FBXL19: variants seen among roughly 807,000 people sequenced by gnomAD.
FBXL19 encodes the protein F-box and leucine rich repeat protein 19, also known as F-box/LRR-repeat protein 19.
A neutral mutation model predicts 71.2 loss-of-function variants in FBXL19; 16 were observed. That is an observed-to-expected ratio of 0.22 (90% confidence interval 0.15 to 0.34). FBXL19 has a LOEUF of 0.34. FBXL19 is among the 10% of genes least tolerant of loss of function. The probability of loss-of-function intolerance (pLI) is 1.00; values close to 1 mark genes in which losing one functional copy is unlikely to be tolerated. For missense variants in FBXL19, 658 were observed against 968.2 expected (o/e 0.68, Z 4.25); for synonymous variants, 447 against 409.4 (o/e 1.09, Z -1.11).
In FBXL19 at chr16:30,947,643, G is replaced by C. The variant is rs2055875890; in HGVS notation, c.*413G>C. On this transcript the variant is annotated 3_prime_UTR_variant, in exon 11 of 11. Coordinates refer to ENST00000338343, the MANE Select transcript of FBXL19 (RefSeq NM_001382779.1). Reference sequence around the variant, plus strand: ...GCGGGGCAGACAGCAGACCACCAAGGGTTCAGGGAACAAAGACCAGTTACT... The same window carrying C: ...GCGGGGCAGACAGCAGACCACCAAGCGTTCAGGGAACAAAGACCAGTTACT... The C allele has an allele frequency of 3.2e-6, 1 of 314,506 alleles. No homozygotes were observed. 19.5% of individuals were successfully genotyped at this position (314,506 alleles called of 1,614,324 possible).
chr16:30,930,660 G>A lies in FBXL19; in HGVS notation c.1301+76G>A. The A allele has an allele frequency of 7.3e-7, 1 of 1,377,904 alleles. No individual in the cohort carries two copies. Among genetic ancestry groups the A allele is most frequent in the Non-Finnish European group, 9.4e-7 (1 of 1,066,190 alleles). The allele number at this position is 1,377,904 out of a possible 1,614,324, so 85.4% of individuals were successfully genotyped here. A position where few individuals can be genotyped will look rare whatever the true frequency, so the allele number is the denominator to read the frequency against. On this transcript the variant is annotated intron_variant, in intron 7 of 10. Coordinates refer to ENST00000338343, the MANE Select transcript of FBXL19 (RefSeq NM_001382779.1). The surrounding 1 kb of genome is among the most constrained non-coding windows in gnomAD (Gnocchi z 8.5). ...GCTGGGTGACCTGCGGTAGGTCTCTGGCCCTCTCTGGGCCTTGCTTTTATA... is the reference window on the plus strand; with the variant it reads ...GCTGGGTGACCTGCGGTAGGTCTCTAGCCCTCTCTGGGCCTTGCTTTTATA...
chr16:30,922,872 C>A (rs1291983498), upstream of FBXL19: 3 of 356,616 alleles, frequency 8.4e-6, no homozygotes, highest in East Asian at 2.4e-4. Flanking sequence ...CACAGGCGGG[C>A]GAGGTGCCCA....
chr16:30,932,458 T>G (rs1177710279), intron 7 of FBXL19, among the ~76,000 whole-genome samples: 1 of 152,184 alleles, frequency 6.6e-6, no homozygotes. Context: ...TGATTTCTGC[T>G]TCAACGGGAG....
rs577042459 is a variant in FBXL19, at chr16:30,926,042, T to C, written c.177+111T>C. On this transcript the variant is annotated intron_variant, in intron 2 of 10. Transcript: ENST00000338343. ...GTGGAGTGGCTGTTTGTTCACTCGT[T>C]CATTTCTTCCCTTCATTCACTAGTT... The C allele has an allele frequency of 5.6e-4, 747 of 1,338,010 alleles. 1 individual carries two copies. Among genetic ancestry groups the C allele is most frequent in the Non-Finnish European group, 6.6e-4 (695 of 1,046,032 alleles). The allele number at this position is 1,338,010 out of a possible 1,614,324, so 82.9% of individuals were successfully genotyped here.
intron 2 of FBXL19, 53 bp from the exon 3 acceptor site, chr16:30,927,255 C>T: frequency 1.3e-6 from 2 of 1,508,024 alleles, no homozygotes; most frequent in South Asian, 1.3e-5. Flanking sequence ...AAGGAAGGGT[C>T]TTTCCCCTGT....
intron 3 of FBXL19, 46 bp from the exon 4 acceptor site, chr16:30,927,527 C>T (rs1176007298): frequency 6.4e-7 from 1 of 1,555,320 alleles, no homozygotes; most frequent in East Asian, 2.4e-5. Flanking sequence ...CACCCTGGCT[C>T]TGGGCTTCCT....
chr16:30,942,625 G>A lies in FBXL19; in HGVS notation c.1627+89G>A, dbSNP rs2055815553. 9.7e-6 allele frequency: 14 copies of A among 1,439,016 alleles called. No individual in the cohort carries two copies. The highest frequency in any genetic ancestry group is 1.3e-5 in the Non-Finnish European group (14 of 1,097,710). The allele number at this position is 1,439,016 out of a possible 1,614,324, so 89.1% of individuals were successfully genotyped here. A position where few individuals can be genotyped will look rare whatever the true frequency, so the allele number is the denominator to read the frequency against. On this transcript the variant is annotated intron_variant, in intron 9 of 10. Transcript: ENST00000338343. The surrounding 1 kb of genome is among the most constrained non-coding windows in gnomAD (Gnocchi z 5.7). ...GGTCTCTTCTGACTCATGCTGGATG[G>A]TAAAGTATTTGAAGAAAGGAAAGAA...
At chr16:30,929,834 G>A (rs1441667057) in intron 6 of FBXL19, among the ~76,000 whole-genome samples, 1 of 152,216 alleles carries the variant, frequency 6.6e-6, no homozygotes, top group East Asian at 1.9e-4. Context: ...GATTACAGGC[G>A]TGAGCCACTG....
rs1166691040 is a variant in FBXL19, at chr16:30,946,318, C to T, written c.1628-412C>T. On this transcript the variant is annotated intron_variant, in intron 9 of 10. Transcript: ENST00000338343. This position sits in a 1 kb window ranked among gnomAD's most constrained non-coding sequence, Gnocchi z 6.7. ...TCTCGGGTTCAAGTGATTCTCCTGC[C>T]TCAGCCTCCTGAGTAGCCGGGATTA... 1.3e-5 allele frequency among the ~76,000 whole-genome samples: 2 copies of T among 152,190 alleles called. No homozygotes were observed. The highest frequency in any genetic ancestry group is 6.5e-5 in the Admixed American group (1 of 15,274).
chr16:30,939,669 C>T (rs995141784), intron 7 of FBXL19, among the ~76,000 whole-genome samples: 17 of 150,902 alleles, frequency 1.1e-4, no homozygotes, highest in Non-Finnish European at 2.2e-4. Context: ...CCACCCACCT[C>T]GGCCTCCCAA....
intron 1 of FBXL19, chr16:30,924,842 G>GCTCCCCCTCCCATGGAA: frequency 8.1e-7 from 1 of 1,227,604 alleles, no homozygotes; most frequent in Non-Finnish European, 1.1e-6. Flanking sequence ...GTTTCCATGG[G>GCTCCCCCTCCCATGGAA]AGGGGGAGCC....
chr16:30,931,193 C>T (rs1375264074), intron 7 of FBXL19, among the ~76,000 whole-genome samples: 1 of 152,036 alleles, frequency 6.6e-6, no homozygotes, highest in African/African-American at 2.4e-5. Flanking sequence ...GGTCATCCTC[C>T]CGAGCCTCTT....
intron 7 of FBXL19, among the ~76,000 whole-genome samples, chr16:30,941,460 T>C (rs1057458034): frequency 1.3e-5 from 2 of 152,182 alleles, no homozygotes; most frequent in Non-Finnish European, 2.9e-5. Flanking sequence ...AGTGAGACCC[T>C]GTCTCAAAAA....
intron 1 of FBXL19, 57 bp downstream of exon 1, chr16:30,924,516 A>C (rs905264811): frequency 1.1e-6 from 1 of 934,524 alleles, no homozygotes; most frequent in African/African-American, 1.7e-5. Flanking sequence ...ACTCCCATTC[A>C]TCCTCAGCCC....
At chr16:30,926,691 G>C (rs1047481247) in intron 2 of FBXL19, among the ~76,000 whole-genome samples, 6 of 150,404 alleles carry the variant, frequency 4.0e-5, no homozygotes, top group African/African-American at 1.5e-4. Context: ...CCAACCCCTT[G>C]CCTCACTTTT....
intron 7 of FBXL19, among the ~76,000 whole-genome samples, chr16:30,936,601 CTTTTTTTTTTT>C (rs547272418): frequency 2.5e-5 from 3 of 118,172 alleles, no homozygotes; most frequent in Non-Finnish European, 5.2e-5. Flanking sequence ...AATTTTTTTT[CTTTTTTTTTTT>C]TTTTTTTTGT....
chr16:30,934,330 C>T (rs2055707916), intron 7 of FBXL19, among the ~76,000 whole-genome samples: 1 of 151,496 alleles, frequency 6.6e-6, no homozygotes, highest in Non-Finnish European at 1.5e-5. Context: ...CCATAGCTCT[C>T]CAGCCTGGGC....
Position 30,925,972 on chromosome 16 carries a change from C to A in FBXL19, c.177+41C>A. Reference sequence around the variant, plus strand: ...ACCTTTGGGCTCTGCCCACCCTTCCCAATACCTTCTTGGAATGGCTGGTGA... The same window carrying A: ...ACCTTTGGGCTCTGCCCACCCTTCCAAATACCTTCTTGGAATGGCTGGTGA... On this transcript the variant is annotated intron_variant, in intron 2 of 10. Transcript: ENST00000338343. This position sits in a 1 kb window ranked among gnomAD's most constrained non-coding sequence, Gnocchi z 5.0. 1 of 1,447,010 alleles carries A rather than the reference C, an allele frequency of 6.9e-7. No homozygotes were observed. The highest frequency in any genetic ancestry group is 2.8e-5 in the East Asian group (1 of 36,082). The allele number at this position is 1,447,010 out of a possible 1,614,324, so 89.6% of individuals were successfully genotyped here.
chr16:30,923,340 T>C (rs1239986869), upstream of FBXL19: 16 of 403,140 alleles, frequency 4.0e-5, no homozygotes, highest in Admixed American at 4.2e-4. Flanking sequence ...GGGCACGCCC[T>C]CCGCCGTCCT....
Sources: allele counts gnomAD v4.1 joint callset (sites outside exome capture counted in the v4.1 genomes callset), GRCh38; gene constraint gnomAD v4.1.1; non-coding constraint Gnocchi (gnomAD v3.1); transcripts MANE v1.5; gene names NCBI Gene and HGNC (gene_info 2026-07-23, HGNC 2026-07-21).